Variants in SLC10A2 observed in about 807,000 individuals in gnomAD.
SLC10A2 encodes the protein ileal sodium/bile acid cotransporter.
Under a neutral mutation model 27.1 loss-of-function variants are expected in SLC10A2, and 34 were observed. The ratio of observed to expected loss-of-function variants is 1.26; its 90% CI spans 0.96 to 1.67. The LOEUF (loss-of-function observed/expected upper bound fraction) is 1.67, where lower values mean the gene tolerates loss of function less well. SLC10A2 is among the 40% of genes most tolerant of loss of function. SLC10A2 has a pLI of 0.00. For missense variants in SLC10A2, 530 were observed against 444.4 expected (o/e 1.19, Z -1.73); for synonymous variants, 205 against 174.0 (o/e 1.18, Z -1.40).
At chr13:103,061,379 A>C (rs1027809877) in intron 1 of SLC10A2, among the ~76,000 whole-genome samples, 2 of 142,502 alleles carry the variant, frequency 1.4e-5, no homozygotes, top group Non-Finnish European at 3.0e-5. Context: ...ATGGATTTAA[A>C]GTTGTCCCTA....
intron 4 of SLC10A2, among the ~76,000 whole-genome samples, chr13:103,051,037 C>T (rs1875761701): frequency 6.6e-6 from 1 of 152,046 alleles, no homozygotes; most frequent in Admixed American, 6.6e-5. Flanking sequence ...TGTCTGCAAG[C>T]CACGAGGAAG....
At chr13:103,060,279 C>T (rs1876072914) in intron 1 of SLC10A2, among the ~76,000 whole-genome samples, 1 of 152,048 alleles carries the variant, frequency 6.6e-6, no homozygotes, top group African/African-American at 2.4e-5. Flanking sequence ...CTTCTCTTTA[C>T]CAGTTTCCTT....
chr13:103,054,241 G>A (rs1247556795), intron 2 of SLC10A2, among the ~76,000 whole-genome samples: 1 of 152,152 alleles, frequency 6.6e-6, no homozygotes, highest in Non-Finnish European at 1.5e-5. Context: ...GAAGCTGCCT[G>A]CTTCCCCTTC....
At position 103,052,712 on chromosome 13, in the gene SLC10A2, A is replaced by G. The variant is rs1340231594; in HGVS notation, c.497-4T>C. ...ACGAGAGAAACCAGAGATGTACCTA[A>G]AGATGACAGAAGGGCAATGTGATCA... On this transcript the variant is annotated splice_polypyrimidine_tract_variant and splice_region_variant and intron_variant, in intron 2 of 5. Coordinates refer to ENST00000245312, the MANE Select transcript of SLC10A2 (RefSeq NM_000452.3). 1.3e-6 allele frequency: 2 copies of G among 1,535,650 alleles called. No individual in the cohort carries two copies. The highest frequency in any genetic ancestry group is 3.3e-5 in the Admixed American group (2 of 59,916).
rs781048727 is a variant in SLC10A2, at chr13:103,049,419, C to T, written c.789G>A (p.Gly263=). 2 of 1,613,924 alleles carry T rather than the reference C, an allele frequency of 1.2e-6. No homozygotes were observed. Among genetic ancestry groups the T allele is most frequent in the Non-Finnish European group, 1.7e-6 (2 of 1,179,922 alleles). Residue 263 remains glycine (G), a synonymous_variant, in exon 5 of 6, where the codon GGG becomes GGA. Coordinates refer to ENST00000245312, the MANE Select transcript of SLC10A2 (RefSeq NM_000452.3). ...YRCRTVAFET[G]MQNTQLCSTI... ...TGGAACATAGCTGCGTGTTCTGCAT[C>T]CCCGTTTCAAAAGCAACCGTTCGGC...
chr13:103,044,611 C>T lies in SLC10A2; in HGVS notation c.*1522G>A, dbSNP rs1566509329. ...TTGAAAAGCAGAATCCCTCACCCCT[C>T]TACTGGAAGAGCTAAGTTGAGTTCC... On this transcript the variant is annotated 3_prime_UTR_variant, in exon 6 of 6. Transcript: ENST00000245312. 1 of 152,184 alleles carries T rather than the reference C, an allele frequency of 6.6e-6. No individual in the cohort carries two copies. The highest frequency in any genetic ancestry group is 1.9e-4 in the East Asian group (1 of 5,202). 9.4% of individuals were successfully genotyped at this position (152,184 alleles called of 1,614,324 possible).
intron 4 of SLC10A2, 77 bp from the exon 5 acceptor site, chr13:103,049,523 G>C (rs1167954020): frequency 2.1e-6 from 3 of 1,411,508 alleles, no homozygotes; most frequent in African/African-American, 1.4e-5. Context: ...ATAATAATAA[G>C]TACATATATA....
At chr13:103,055,125 G>A (rs1233636134) in intron 2 of SLC10A2, among the ~76,000 whole-genome samples, 1 of 152,178 alleles carries the variant, frequency 6.6e-6, no homozygotes, top group African/African-American at 2.4e-5. Context: ...TGTGGGAACT[G>A]TGCAAATCAT....
In SLC10A2 at chr13:103,052,611, G is replaced by T. The variant is rs200764918; in HGVS notation, c.585+9C>A. 6.5e-7 allele frequency: 1 copy of T among 1,542,232 alleles called. No individual in the cohort carries two copies. The highest frequency in any genetic ancestry group is 9.0e-7 in the Non-Finnish European group (1 of 1,114,584). ...TGGAATATTTAATGGTGTGAACTGGGATACTTACTTTAAGTATGATCTTTG... is the reference window on the plus strand; with the variant it reads ...TGGAATATTTAATGGTGTGAACTGGTATACTTACTTTAAGTATGATCTTTG... On this transcript the variant is annotated intron_variant, in intron 3 of 5. Coordinates refer to ENST00000245312, the MANE Select transcript of SLC10A2 (RefSeq NM_000452.3).
rs1875699056 is a variant in SLC10A2, at chr13:103,049,272, T to C, written c.919+17A>G. The C allele has an allele frequency of 6.2e-7, 1 of 1,612,654 alleles. No individual in the cohort carries two copies. The highest frequency in any genetic ancestry group is 1.3e-5 in the African/African-American group (1 of 74,878). On this transcript the variant is annotated intron_variant, in intron 5 of 5. Coordinates refer to ENST00000245312, the MANE Select transcript of SLC10A2 (RefSeq NM_000452.3). ...TTTCAAAGATTATCATGAAATGGGATTGGCATGATTCCTTACATCCTAAGA... is the reference window on the plus strand; with the variant it reads ...TTTCAAAGATTATCATGAAATGGGACTGGCATGATTCCTTACATCCTAAGA...
intron 1 of SLC10A2, among the ~76,000 whole-genome samples, chr13:103,063,633 T>A (rs561625912): frequency 6.6e-6 from 1 of 152,248 alleles, no homozygotes; most frequent in Non-Finnish European, 1.5e-5. Flanking sequence ...TAAAGAAATA[T>A]TGGAATATTG....
chr13:103,056,194 AC>A (rs1268081680), intron 2 of SLC10A2, among the ~76,000 whole-genome samples: 1 of 152,166 alleles, frequency 6.6e-6, no homozygotes, highest in African/African-American at 2.4e-5. Context: ...TGCTGAGAAA[AC>A]TTTTTGTCTG....
At chr13:103,054,690 C>T (rs941834453) in intron 2 of SLC10A2, among the ~76,000 whole-genome samples, 1 of 152,164 alleles carries the variant, frequency 6.6e-6, no homozygotes. Context: ...AATTGCTTTT[C>T]TTTCCTGACC....
intron 1 of SLC10A2, among the ~76,000 whole-genome samples, chr13:103,065,582 AG>A (rs2138927779): frequency 1.3e-5 from 2 of 152,306 alleles, no homozygotes; most frequent in South Asian, 4.1e-4. Context: ...GGTTTGGAAA[AG>A]ATTACTTTTT....
intron 5 of SLC10A2, 109 bp from the exon 6 acceptor site, chr13:103,046,369 T>C (rs2138909167): frequency 3.3e-6 from 3 of 914,066 alleles, no homozygotes; most frequent in South Asian, 1.5e-5. Context: ...ACATTTTCTG[T>C]AGACTGGAGG....
chr13:103,046,296 A>G (rs758875953), intron 5 of SLC10A2, 36 bp from the exon 6 acceptor site: 2 of 1,545,294 alleles, frequency 1.3e-6, no homozygotes, highest in South Asian at 1.1e-5. Flanking sequence ...AGTAAATTTT[A>G]TAATAATAAA....
chr13:103,057,257 T>C (rs1439077057), intron 2 of SLC10A2, among the ~76,000 whole-genome samples: 1 of 152,224 alleles, frequency 6.6e-6, no homozygotes, highest in Non-Finnish European at 1.5e-5. Flanking sequence ...GTGATAGTTC[T>C]GTGGGAAATG....
chr13:103,051,964 T>C (rs1166317882), intron 3 of SLC10A2, among the ~76,000 whole-genome samples: 2 of 152,196 alleles, frequency 1.3e-5, no homozygotes, highest in Admixed American at 1.3e-4. Context: ...CCTTTTCACA[T>C]TTAAAACAAA....
intron 5 of SLC10A2, among the ~76,000 whole-genome samples, chr13:103,047,883 A>G (rs982911523): frequency 1.3e-5 from 2 of 152,008 alleles, no homozygotes; most frequent in African/African-American, 4.8e-5. Context: ...GAAAAATCCC[A>G]CTGTGTGCCA....
Sources: gnomAD v4.1 joint callset for allele counts (sites outside exome capture counted in the v4.1 genomes callset) on GRCh38, gnomAD v4.1.1 for gene constraint, MANE v1.5 for transcripts, NCBI Gene and HGNC (gene_info 2026-07-23, HGNC 2026-07-21) for gene names.